The following ERCC5 variants were observed in gnomAD, a reference collection of about 807,000 sequenced individuals.
The protein encoded by ERCC5 is ERCC excision repair 5, endonuclease.
Under a neutral mutation model 105.6 loss-of-function variants are expected in ERCC5, and 68 were observed. The observed-to-expected ratio is 0.64, with a 90% CI of 0.53 to 0.79. The LOEUF is 0.79. Among genes scored for constraint, ERCC5 ranks in the 30% least tolerant of loss-of-function variants. The probability of loss-of-function intolerance (pLI) is 0.00; values close to 1 mark genes in which losing one functional copy is unlikely to be tolerated. For synonymous variants in ERCC5, 546 were observed against 526.2 expected (o/e 1.04, Z -0.51); for missense variants, 1,373 against 1,426.7 (o/e 0.96, Z 0.61).
intron 1 of ERCC5, among the ~76,000 whole-genome samples, chr13:102,847,064 G>A (rs996220219): frequency 4.6e-5 from 7 of 152,218 alleles, no homozygotes; most frequent in Admixed American, 3.9e-4. Flanking sequence ...TCAGTAAGGA[G>A]AGCAGAGTAG....
At position 102,854,356 on chromosome 13, in the gene ERCC5, A is replaced by C; in HGVS notation, c.449A>C (p.Gln150Pro). The C allele has an allele frequency of 6.2e-7, 1 of 1,614,202 alleles. No homozygotes were observed. The highest frequency in any genetic ancestry group is 8.5e-7 in the Non-Finnish European group (1 of 1,180,032). The change falls in exon 4 of 15, where the codon CAA (glutamine) becomes CCA (proline). Residue 150 changes from glutamine to proline, a missense_variant. Physicochemically the swap from Gln to Pro is moderately conservative, Grantham distance 76. Around this residue, in one of 3 missense-constraint regions of ERCC5, gnomAD observed 1,004 missense variants for 1,059.7 expected, o/e 0.95. Coordinates refer to ENST00000652225, the MANE Select transcript of ERCC5 (RefSeq NM_000123.4). ...GACCTCTATGTTTTGCCTCCTTTAC[A>C]AGAGGAAGAAAAACACAGGTAAATG... Reference protein sequence around the residue: ...ENDLYVLPPLQEEEKHSSEEE... With the variant: ...ENDLYVLPPLPEEEKHSSEEE...
intron 1 of ERCC5, among the ~76,000 whole-genome samples, chr13:102,850,124 C>T (rs1396688732): frequency 6.6e-6 from 1 of 152,110 alleles, no homozygotes; most frequent in Non-Finnish European, 1.5e-5. Flanking sequence ...CAGGATTTCA[C>T]CATTTTGGCC....
rs1276970770 is a variant in ERCC5, at chr13:102,858,426, A to T, written c.672+8A>T. The T allele has an allele frequency of 6.2e-7, 1 of 1,614,026 alleles. No homozygotes were observed. Among genetic ancestry groups the T allele is most frequent in the African/African-American group, 1.3e-5 (1 of 74,934 alleles). ...TTTGAAGCAATGCCAGAGGTGAAAT[A>T]TGCAACAGTACATTCATGCTTAGAA... is the stretch of plus-strand genomic sequence containing the variant. On this transcript the variant is annotated splice_region_variant and intron_variant, in intron 6 of 14. Coordinates refer to ENST00000652225, the MANE Select transcript of ERCC5 (RefSeq NM_000123.4).
intron 11 of ERCC5, among the ~76,000 whole-genome samples, 193 bp downstream of exon 11, chr13:102,867,038 T>C (rs1882865204): frequency 6.6e-6 from 1 of 152,176 alleles, no homozygotes; most frequent in Non-Finnish European, 1.5e-5. Flanking sequence ...ATTAAAGTCC[T>C]AGTATGTTTA....
At chr13:102,858,789 A>G in intron 6 of ERCC5, 1 of 424,410 alleles carries the variant, frequency 2.4e-6, no homozygotes, top group Non-Finnish European at 4.7e-6. Context: ...ATGCTTACTG[A>G]CTCAATTCTT....
In ERCC5 at chr13:102,868,132, A is replaced by G. The variant is rs1407100046; in HGVS notation, c.2553A>G (p.Leu851=). ...HNQLGLDRNK[L]INLAYLLGSD... is the part of the protein sequence containing the mutation. ...CTTTAGGATTGGACCGGAATAAGTT[A>G]ATAAATTTGGCTTATTTGCTTGGAA... The change falls in exon 12 of 15, where the codon TTA becomes TTG. Residue 851 remains leucine, a synonymous_variant. Coordinates refer to ENST00000652225, the MANE Select transcript of ERCC5 (RefSeq NM_000123.4). The G allele has an allele frequency of 6.2e-7, 1 of 1,614,148 alleles. No homozygotes were observed. Among genetic ancestry groups the G allele is most frequent in the African/African-American group, 1.3e-5 (1 of 75,062 alleles).
In ERCC5 at chr13:102,852,854, C is replaced by T. The variant is rs182092456; in HGVS notation, c.264+561C>T. Reference sequence around the variant, plus strand: ...GTTTTAAAAAATGTTTTTGGAAGGCCGGGGGCAGGAGGATTGCTTGAGCCC... The same window carrying T: ...GTTTTAAAAAATGTTTTTGGAAGGCTGGGGGCAGGAGGATTGCTTGAGCCC... On this transcript the variant is annotated intron_variant, in intron 2 of 14. Transcript: ENST00000652225. Among the ~76,000 whole-genome samples the T allele has an allele frequency of 5.9e-5, 9 of 152,080 alleles. 1 individual carries two copies. In the South Asian group the frequency reaches 6.3e-4, roughly 11 times the overall value.
At chr13:102,866,025 T>C in intron 9 of ERCC5, 114 bp downstream of exon 9, 1 of 1,585,554 alleles carries the variant, frequency 6.3e-7, no homozygotes, top group Non-Finnish European at 8.6e-7. Flanking sequence ...GTACATCTTG[T>C]GGTTGCTGAT....
chr13:102,854,832 C>T (rs886225836), intron 4 of ERCC5, among the ~76,000 whole-genome samples: 5 of 152,182 alleles, frequency 3.3e-5, no homozygotes, highest in African/African-American at 1.2e-4. Context: ...TGCCCCGCTC[C>T]CCCGGCATCT....
In ERCC5 at chr13:102,872,366, G is replaced by T; in HGVS notation, c.2847G>T (p.Leu949=). Residue 949 remains leucine, a synonymous_variant, in exon 13 of 15, where the codon CTG becomes CTT. Transcript: ENST00000652225. ...PVVDDSKGSF[L]WGKPDLDKIR... is the part of the protein sequence containing the mutation. ...TGGATGACTCGAAGGGATCCTTTCT[G>T]TGGGGGAAACCTGATCTCGACAAAA... 1 of 1,614,188 alleles carries T rather than the reference G, an allele frequency of 6.2e-7. No individual in the cohort carries two copies.
chr13:102,854,772 T>G (rs1046362792), intron 4 of ERCC5, among the ~76,000 whole-genome samples: 5 of 152,208 alleles, frequency 3.3e-5, no homozygotes, highest in African/African-American at 1.2e-4. Context: ...AGCAGACGCT[T>G]TGCACGTCTT....
rs1422896741 is a variant in ERCC5, at chr13:102,865,632, A to C, written c.1955-35A>C. ...ATTGCAGGATCATTTTAATGTTTTG[A>C]TTGTAGATGAAGTGACCTTTTAATT... On this transcript the variant is annotated intron_variant, in intron 8 of 14. Transcript: ENST00000652225. The surrounding 1 kb of genome is among the most constrained non-coding windows in gnomAD (Gnocchi z 4.0). The C allele has an allele frequency of 1.2e-6, 2 of 1,610,124 alleles. No homozygotes were observed. The highest frequency in any genetic ancestry group is 2.7e-5 in the African/African-American group (2 of 74,810).
chr13:102,870,371 C>T (rs1431828309), intron 12 of ERCC5, among the ~76,000 whole-genome samples: 1 of 152,184 alleles, frequency 6.6e-6, no homozygotes, highest in East Asian at 1.9e-4. Flanking sequence ...GGAGCAACAG[C>T]AGTTCCCCTC....
chr13:102,867,111 A>G lies in ERCC5; in HGVS notation c.2533+266A>G, dbSNP rs76898261. On this transcript the variant is annotated intron_variant, in intron 11 of 14. Coordinates refer to ENST00000652225, the MANE Select transcript of ERCC5 (RefSeq NM_000123.4). ...TTACCCGAGATCTCCACAGTGAACA[A>G]AAGGTGGTGGAGAGGGGAAGCAGGC... 9.5e-4 allele frequency among the ~76,000 whole-genome samples: 144 copies of G among 152,318 alleles called. 1 individual carries two copies. In the East Asian group the frequency reaches 0.015, roughly 16 times the overall value.
At chr13:102,850,918 G>A (rs1882176889) in intron 1 of ERCC5, among the ~76,000 whole-genome samples, 2 of 152,180 alleles carry the variant, frequency 1.3e-5, no homozygotes, top group Non-Finnish European at 2.9e-5. Flanking sequence ...TACTTTAACA[G>A]TGTTACAGGA....
chr13:102,854,250 G>T, intron 3 of ERCC5, 38 bp from the exon 4 acceptor site: 1 of 1,607,584 alleles, frequency 6.2e-7, no homozygotes, highest in South Asian at 1.1e-5. Flanking sequence ...CCTGAGCAGG[G>T]TCTGCATAAT....
At chr13:102,858,092 C>T (rs978595642) in intron 5 of ERCC5, among the ~76,000 whole-genome samples, 183 bp from the exon 6 acceptor site, 1 of 152,128 alleles carries the variant, frequency 6.6e-6, no homozygotes, top group South Asian at 2.1e-4. Flanking sequence ...GAGTGAATGG[C>T]TACATTCCCT....
In ERCC5 at chr13:102,858,398, T is replaced by C; in HGVS notation, c.652T>C (p.Leu218=). ...MKEFTKRRRT[L]FEAMPEESDD... ...AGAGTTCACCAAGCGCAGAAGAACATTATTTGAAGCAATGCCAGAGGTGAA... is the reference window on the plus strand; with the variant it reads ...AGAGTTCACCAAGCGCAGAAGAACACTATTTGAAGCAATGCCAGAGGTGAA... The change falls in exon 6 of 15, where the codon TTA becomes CTA. Residue 218 remains leucine, a synonymous_variant. Coordinates refer to ENST00000652225, the MANE Select transcript of ERCC5 (RefSeq NM_000123.4). The C allele has an allele frequency of 6.2e-7, 1 of 1,614,118 alleles. No individual in the cohort carries two copies. The highest frequency in any genetic ancestry group is 8.5e-7 in the Non-Finnish European group (1 of 1,180,008).
chr13:102,859,835 A>T (rs1453513469), intron 6 of ERCC5, among the ~76,000 whole-genome samples: 1 of 152,252 alleles, frequency 6.6e-6, no homozygotes, highest in Non-Finnish European at 1.5e-5. Flanking sequence ...TCATAATACC[A>T]TAGTTCCACT....
Sources: allele counts gnomAD v4.1 joint callset (sites outside exome capture counted in the v4.1 genomes callset), GRCh38; gene constraint gnomAD v4.1.1; regional missense constraint gnomAD v4.1.1; non-coding constraint Gnocchi (gnomAD v3.1); transcripts MANE v1.5; gene names NCBI Gene and HGNC (gene_info 2026-07-23, HGNC 2026-07-21).